Variants in TERF2 observed in about 807,000 individuals in gnomAD.
The protein encoded by TERF2 is telomeric repeat-binding factor 2.
A neutral mutation model predicts 56.1 loss-of-function variants in TERF2; 16 were observed. The observed-to-expected ratio is 0.29, with a 90% CI of 0.19 to 0.43. The LOEUF (loss-of-function observed/expected upper bound fraction) is 0.43. Among genes scored for constraint, TERF2 ranks in the 20% least tolerant of loss-of-function variants. The pLI is 1.00. For synonymous variants in TERF2, 296 were observed against 282.1 expected (o/e 1.05, Z -0.50); for missense variants, 547 against 712.9 (o/e 0.77, Z 2.65).
Position 69,356,231 on chromosome 16 carries a change from G to T in TERF2, c.*667C>A. ...CACATTGCTGGTTTTAACAGGTCAT[G>T]GAGTCACAAGTGGCTCCTAATAGAC... On this transcript the variant is annotated 3_prime_UTR_variant, in exon 10 of 10. Coordinates refer to ENST00000254942, the MANE Select transcript of TERF2 (RefSeq NM_005652.5). 1 of 455,398 alleles carries T rather than the reference G, an allele frequency of 2.2e-6. No individual in the cohort carries two copies. Among genetic ancestry groups the T allele is most frequent in the South Asian group, 1.6e-5 (1 of 64,410 alleles). The allele number at this position is 455,398 out of a possible 1,614,324, so 28.2% of individuals were successfully genotyped here.
intron 3 of TERF2, among the ~76,000 whole-genome samples, chr16:69,382,618 T>C (rs2014044920): frequency 6.6e-6 from 1 of 152,214 alleles, no homozygotes; most frequent in African/African-American, 2.4e-5. Flanking sequence ...TCTTGCTCTC[T>C]TGCATGATTT....
At chr16:69,370,701 G>A (rs908475450) in intron 4 of TERF2, 72 bp from the exon 5 acceptor site, 6 of 1,459,298 alleles carry the variant, frequency 4.1e-6, no homozygotes, top group Non-Finnish European at 5.6e-6. Flanking sequence ...GATGAGGTGA[G>A]ACAGACACTA....
Position 69,368,389 on chromosome 16 carries a change from T to G in TERF2, c.934A>C (p.Arg312=). The G allele has an allele frequency of 6.2e-7, 1 of 1,613,926 alleles. No homozygotes were observed. Among genetic ancestry groups the G allele is most frequent in the Non-Finnish European group, 8.5e-7 (1 of 1,180,020 alleles). The change falls in exon 6 of 10, where the codon AGA becomes CGA. Residue 312 remains arginine, a synonymous_variant. Coordinates refer to ENST00000254942, the MANE Select transcript of TERF2 (RefSeq NM_005652.5). Reference sequence around the variant, plus strand: ...GCATCTTTTTACCTTGCGGGTTCTCTGGGTGGCTTTTCCACAGGCCCTGGT... The same window carrying G: ...GCATCTTTTTACCTTGCGGGTTCTCGGGGTGGCTTTTCCACAGGCCCTGGT... ...PAPGPVEKPP[R]EPARQLRNPP... is the part of the protein sequence containing the mutation.
At chr16:69,368,612 G>A in intron 5 of TERF2, 130 bp from the exon 6 acceptor site, 1 of 1,539,758 alleles carries the variant, frequency 6.5e-7, no homozygotes, top group Non-Finnish European at 8.7e-7. Context: ...ATAAAACGAA[G>A]GACATAAAAT....
chr16:69,376,691 CAA>C (rs1003834288), intron 3 of TERF2, among the ~76,000 whole-genome samples: 38 of 94,744 alleles, frequency 4.0e-4, no homozygotes, highest in Admixed American at 4.6e-4. Context: ...CCATCTTTAC[CAA>C]AAAAAAAAAA....
Position 69,356,228 on chromosome 16 carries a change from C to T in TERF2, c.*670G>A, listed in dbSNP as rs1305644551. 2.2e-6 allele frequency: 1 copy of T among 455,476 alleles called. No homozygotes were observed. The highest frequency in any genetic ancestry group is 2.0e-5 in the African/African-American group (1 of 50,146). 28.2% of individuals were successfully genotyped at this position (455,476 alleles called of 1,614,324 possible). A position where few individuals can be genotyped will look rare whatever the true frequency, so the allele number is the denominator to read the frequency against. On this transcript the variant is annotated 3_prime_UTR_variant, in exon 10 of 10. Coordinates refer to ENST00000254942, the MANE Select transcript of TERF2 (RefSeq NM_005652.5). ...ACTCACATTGCTGGTTTTAACAGGTCATGGAGTCACAAGTGGCTCCTAATA... is the reference window on the plus strand; with the variant it reads ...ACTCACATTGCTGGTTTTAACAGGTTATGGAGTCACAAGTGGCTCCTAATA...
chr16:69,367,100 T>G lies in TERF2; in HGVS notation c.1047A>C (p.Lys349Asn). 6.2e-7 allele frequency: 1 copy of G among 1,614,218 alleles called. No individual in the cohort carries two copies. The highest frequency in any genetic ancestry group is 1.1e-5 in the South Asian group (1 of 91,088). Residue 349 changes from lysine (K) to asparagine (N), a missense_variant, in exon 7 of 10, where the codon AAA becomes AAC. Coordinates refer to ENST00000254942, the MANE Select transcript of TERF2 (RefSeq NM_005652.5). ...GAQDSEAAFA[K>N]LDQKDLVLPT... The stretch of plus-strand genomic sequence containing the variant: ...GAAGAACCAGATCCTTCTGGTCCAG[T>G]TTTGCAAAGGCTGCCTCAGAATCCT...
In TERF2 at chr16:69,366,978, G is replaced by C. The variant is rs766401597; in HGVS notation, c.1169C>G (p.Ser390Trp). ...SSAPADGEGG[S>W]ELQPKNKRMT... ...GCGCTTGTTCTTGGGCTGCAGTTCC[G>C]AGCCACCCTCACCGTCAGCCGGGGC... Residue 390 changes from serine (S) to tryptophan (W), a missense_variant, in exon 7 of 10, where the codon TCG becomes TGG. Coordinates refer to ENST00000254942, the MANE Select transcript of TERF2 (RefSeq NM_005652.5). The C allele has an allele frequency of 6.2e-6, 10 of 1,614,198 alleles. No individual in the cohort carries two copies. The highest frequency in any genetic ancestry group is 8.5e-6 in the Non-Finnish European group (10 of 1,180,034).
At chr16:69,375,500 T>C (rs1174896022) in intron 3 of TERF2, among the ~76,000 whole-genome samples, 3 of 152,156 alleles carry the variant, frequency 2.0e-5, no homozygotes, top group Non-Finnish European at 4.4e-5. Flanking sequence ...GGAGTTCAAG[T>C]CCAGCATGGG....
At chr16:69,372,798 T>C (rs2142743644) in intron 3 of TERF2, among the ~76,000 whole-genome samples, 1 of 152,236 alleles carries the variant, frequency 6.6e-6, no homozygotes, top group Non-Finnish European at 1.5e-5. Context: ...GTTCAAGTGT[T>C]ATGAACCACT....
intron 1 of TERF2, 42 bp from the exon 2 acceptor site, chr16:69,385,528 G>C: frequency 6.2e-7 from 1 of 1,611,628 alleles, no homozygotes; most frequent in South Asian, 1.1e-5. Flanking sequence ...CCCCAGTCCC[G>C]ACTCCCGGTC....
rs148567614 is a variant in TERF2 at position 69,370,568 on chromosome 16, T to C, written c.755A>G (p.Gln252Arg). Residue 252 changes from glutamine to arginine, a missense_variant, in exon 5 of 10, where the codon CAG becomes CGG. By Grantham distance (43) the Gln-to-Arg change is conservative. Around this residue, in one of 6 missense-constraint regions of TERF2, gnomAD observed 97 missense variants for 157.0 expected, o/e 0.62. Transcript: ENST00000254942. ...CTGGAAGGTCTCATATGAAAAGTTC[T>C]GGATAACAGGATGGGCCAAGTTCTT... The part of the protein sequence containing the change: ...REKNLAHPVI[Q>R]NFSYETFQQK... The C allele has an allele frequency of 1.6e-5, 26 of 1,614,110 alleles. No individual in the cohort carries two copies. The highest frequency in any genetic ancestry group is 2.1e-5 in the Non-Finnish European group (25 of 1,180,058).
At position 69,366,912 on chromosome 16, in the gene TERF2, C is replaced by G; in HGVS notation, c.1235G>C (p.Ser412Thr). The G allele has an allele frequency of 6.2e-7, 1 of 1,614,240 alleles. No homozygotes were observed. The highest frequency in any genetic ancestry group is 8.5e-7 in the Non-Finnish European group (1 of 1,180,034). Residue 412 changes from serine to threonine, a missense_variant, in exon 7 of 10, where the codon AGT becomes ACT. Ser to Thr is a moderately conservative substitution (Grantham distance 58). This residue lies in a region of TERF2 where 211 missense variants were observed against 236.8 expected (regional missense o/e 0.89). Coordinates refer to ENST00000254942, the MANE Select transcript of TERF2 (RefSeq NM_005652.5). ...SRLVLEEDSQ[S>T]TEPSAGLNSS... ...GTTGAGGCCTGCGCTGGGCTCAGTA[C>G]TCTGGCTGTCCTCCTCCAAGACCAA...
At chr16:69,357,326 A>T (rs1345733492) in intron 9 of TERF2, among the ~76,000 whole-genome samples, 192 bp downstream of exon 9, 28 of 152,190 alleles carry the variant, frequency 1.8e-4, no homozygotes, top group Non-Finnish European at 3.5e-4. Context: ...TGTTCCGGAA[A>T]ATGTGTCATC....
chr16:69,377,527 C>G (rs898417212), intron 3 of TERF2, among the ~76,000 whole-genome samples: 1 of 152,040 alleles, frequency 6.6e-6, no homozygotes, highest in Non-Finnish European at 1.5e-5. Flanking sequence ...GGGGTTTCAC[C>G]GTGTTGGCCA....
chr16:69,376,209 TTTGAG>T (rs1290214829), intron 3 of TERF2, among the ~76,000 whole-genome samples: 1 of 152,244 alleles, frequency 6.6e-6, no homozygotes. Context: ...AGATTATAAT[TTTGAG>T]TTAATTTTTG....
intron 5 of TERF2, among the ~76,000 whole-genome samples, chr16:69,369,887 G>A (rs548223728): frequency 3.5e-4 from 53 of 152,216 alleles, no homozygotes; most frequent in Non-Finnish European, 6.9e-4. Flanking sequence ...ACAAGTCATC[G>A]CCTTTGGGAA....
At position 69,372,469 on chromosome 16, in the gene TERF2, T is replaced by C. The variant is rs1188305316; in HGVS notation, c.607-114A>G. The C allele has an allele frequency of 1.2e-5, 9 of 724,848 alleles. No homozygotes were observed. In the African/African-American group the frequency reaches 1.5e-4, roughly 12 times the overall value. 44.9% of individuals were successfully genotyped at this position (724,848 alleles called of 1,614,324 possible). On this transcript the variant is annotated intron_variant, in intron 3 of 9. Transcript: ENST00000254942. ...ATATCAAATTTCTGTACTTAAAAAC[T>C]AACAATTATAAAGCCAGGCGCGGTG...
Position 69,385,980 on chromosome 16 carries a change from C to A in TERF2, c.-9G>T. Reference sequence around the variant, plus strand: ...CCGGCTCCCGCGGCCATGATAGAAACAGCGTTCCGAGCCGCCCGCGGGCTT... The same window carrying A: ...CCGGCTCCCGCGGCCATGATAGAAAAAGCGTTCCGAGCCGCCCGCGGGCTT... On this transcript the variant is annotated 5_prime_UTR_variant, in exon 1 of 10. Coordinates refer to ENST00000254942, the MANE Select transcript of TERF2 (RefSeq NM_005652.5). The A allele has an allele frequency of 7.5e-7, 1 of 1,329,140 alleles. No homozygotes were observed. The highest frequency in any genetic ancestry group is 2.9e-4 in the Middle Eastern group (1 of 3,494). The allele number at this position is 1,329,140 out of a possible 1,614,324, so 82.3% of individuals were successfully genotyped here.
Sources: allele counts gnomAD v4.1 joint callset (sites outside exome capture counted in the v4.1 genomes callset), GRCh38; gene constraint gnomAD v4.1.1; regional missense constraint gnomAD v4.1.1; transcripts MANE v1.5; gene names NCBI Gene and HGNC (gene_info 2026-07-23, HGNC 2026-07-21).